Variants in AIMP2 observed in about 807,000 individuals in gnomAD.
The protein encoded by AIMP2 is aminoacyl tRNA synthetase complex interacting multifunctional protein 2.
Under a neutral mutation model 23.4 loss-of-function variants are expected in AIMP2, and 20 were observed. The observed-to-expected ratio is 0.85, with a 90% confidence interval of 0.60 to 1.24. AIMP2 has a LOEUF of 1.24. AIMP2 is among the 50% of genes most tolerant of loss of function. AIMP2 has a pLI of 0.00. For synonymous variants in AIMP2, 210 were observed against 170.4 expected (o/e 1.23, Z -1.81); for missense variants, 515 against 414.5 (o/e 1.24, Z -2.10).
chr7:6,019,221 G>A (rs886139394), intron 3 of AIMP2, among the ~76,000 whole-genome samples: 1 of 151,844 alleles, frequency 6.6e-6, no homozygotes, highest in East Asian at 1.9e-4. Context: ...GCATGTTGCA[G>A]TCAAAAGTGA....
chr7:6,009,907 C>T (rs1786446118), intron 1 of AIMP2, among the ~76,000 whole-genome samples: 1 of 134,934 alleles, frequency 7.4e-6, no homozygotes, highest in Admixed American at 7.8e-5. Context: ...TGAGATCGAG[C>T]CATTGCACTC....
At chr7:6,019,163 A>G (rs1386701004) in intron 3 of AIMP2, among the ~76,000 whole-genome samples, 2 of 151,256 alleles carry the variant, frequency 1.3e-5, no homozygotes, top group Non-Finnish European at 3.0e-5. Flanking sequence ...ACACCCTGTG[A>G]CGCTAATCAT....
intron 1 of AIMP2, 71 bp downstream of exon 1, chr7:6,009,569 C>A: frequency 1.1e-5 from 15 of 1,333,308 alleles, no homozygotes; most frequent in Non-Finnish European, 1.4e-5. Context: ...CCCCCCAGGC[C>A]GGAGCGAGCG....
Position 6,009,964 on chromosome 7 carries a change from A to AT in AIMP2, c.135+466_135+467insT, listed in dbSNP as rs1554310799. ...AACTCTATCTCAAAAAAAAAAAAAAAAAAAAAAAAAATATATATATATATA... is the reference window on the plus strand; with the variant it reads ...AACTCTATCTCAAAAAAAAAAAAAAATAAAAAAAAAAATATATATATATATA... On this transcript the variant is annotated intron_variant, in intron 1 of 3. Transcript: ENST00000223029. Among the ~76,000 whole-genome samples, 11 of 42,960 alleles carry AT rather than the reference A, an allele frequency of 2.6e-4. 1 individual carries two copies. The highest frequency in any genetic ancestry group is 1.4e-3 in the East Asian group (1 of 700). 28.2% of individuals were successfully genotyped at this position (42,960 alleles called of 152,430 possible).
In AIMP2 at chr7:6,020,242, G is replaced by A. The variant is rs375775023; in HGVS notation, c.574+2197G>A. On this transcript the variant is annotated intron_variant, in intron 3 of 3. Coordinates refer to ENST00000223029, the MANE Select transcript of AIMP2 (RefSeq NM_006303.4). ...TCAAGACCAGCCTGACCAATATGGC[G>A]AAACCCCATCTCTATTAAAGGCACA... Among the ~76,000 whole-genome samples, 3 of 152,030 alleles carry A rather than the reference G, an allele frequency of 2.0e-5. 1 individual carries two copies. The highest frequency in any genetic ancestry group is 7.2e-5 in the African/African-American group (3 of 41,478).
intron 3 of AIMP2, 94 bp from the exon 4 acceptor site, chr7:6,023,209 C>G (rs1787562200): frequency 7.2e-7 from 1 of 1,381,192 alleles, no homozygotes; most frequent in African/African-American, 1.4e-5. Context: ...TGTCATCAGT[C>G]TGTGGTGTTT....
intron 1 of AIMP2, among the ~76,000 whole-genome samples, chr7:6,012,474 G>C (rs1198337943): frequency 1.3e-5 from 2 of 152,060 alleles, no homozygotes; most frequent in Admixed American, 1.3e-4. Context: ...AGATCACGAA[G>C]GACTAGATCA....
chr7:6,014,298 C>CCCAGGCTG (rs1174484124), intron 1 of AIMP2, among the ~76,000 whole-genome samples: 1 of 140,510 alleles, frequency 7.1e-6, no homozygotes, highest in Non-Finnish European at 1.5e-5. Flanking sequence ...TGCTCTGTCG[C>CCCAGGCTG]CCAGGCTGGA....
chr7:6,016,186 A>G (rs1483473692), intron 2 of AIMP2, among the ~76,000 whole-genome samples: 1 of 152,190 alleles, frequency 6.6e-6, no homozygotes, highest in Non-Finnish European at 1.5e-5. Context: ...CTGTATTACA[A>G]GTAAGTTGCA....
chr7:6,011,659 T>A (rs1786698716), intron 1 of AIMP2, among the ~76,000 whole-genome samples: 1 of 152,306 alleles, frequency 6.6e-6, no homozygotes, highest in South Asian at 2.1e-4. Flanking sequence ...ACAACTGTTA[T>A]TTCAGTACAG....
chr7:6,015,627 G>C (rs1305868825), intron 2 of AIMP2, among the ~76,000 whole-genome samples: 1 of 152,222 alleles, frequency 6.6e-6, no homozygotes, highest in Non-Finnish European at 1.5e-5. Flanking sequence ...GGGAGGCTGA[G>C]GCAGGAGAAT....
In AIMP2 at chr7:6,023,674, C is replaced by G. The variant is rs751316385; in HGVS notation, c.946C>G (p.Leu316Val). 13 of 1,614,000 alleles carry G rather than the reference C, an allele frequency of 8.1e-6. No individual in the cohort carries two copies. The highest frequency in any genetic ancestry group is 1.1e-5 in the Non-Finnish European group (13 of 1,180,040). Reference sequence around the variant, plus strand: ...AAACCTGGCTCCTTTTAACACGGCCCTCAAGCTCCTTAAGTGAATTGCCGT... The same window carrying G: ...AAACCTGGCTCCTTTTAACACGGCCGTCAAGCTCCTTAAGTGAATTGCCGT... ...CENLAPFNTA[L>V]KLLK Residue 316 changes from leucine to valine, a missense_variant, in exon 4 of 4, where the codon CTC (leucine) becomes GTC (valine). Leu to Val is a conservative substitution (Grantham distance 32, BLOSUM62 1). Transcript: ENST00000223029.
At chr7:6,016,574 C>T (rs1787041845) in intron 2 of AIMP2, among the ~76,000 whole-genome samples, 1 of 152,162 alleles carries the variant, frequency 6.6e-6, no homozygotes, top group Admixed American at 6.5e-5. Context: ...AGTTTTCGAG[C>T]ATGCGCGGCT....
rs11544566 is a variant in AIMP2, at chr7:6,023,350, G to A, written c.622G>A (p.Glu208Lys). ...CAGCATCCAGACGATGTGCCCCATC[G>A]AAGGCGAAGGGAACATTGCACGTTT... ...KFSIQTMCPI[E>K]GEGNIARFLF... The change falls in exon 4 of 4, where the codon GAA (glutamate) becomes AAA (lysine). Residue 208 changes from glutamate to lysine, a missense_variant. Physicochemically the swap from Glu to Lys is moderately conservative, Grantham distance 56 (BLOSUM62 1). Transcript: ENST00000223029. 58 of 1,611,376 alleles carry A rather than the reference G, an allele frequency of 3.6e-5. No individual in the cohort carries two copies. Among genetic ancestry groups the A allele is most frequent in the South Asian group, 1.5e-4 (14 of 90,592 alleles).
chr7:6,023,611 G>C lies in AIMP2; in HGVS notation c.883G>C (p.Val295Leu). Residue 295 changes from valine (V) to leucine (L), a missense_variant, in exon 4 of 4, where the codon GTG becomes CTG. Coordinates refer to ENST00000223029, the MANE Select transcript of AIMP2 (RefSeq NM_006303.4). ...LQQIGGCSVTVPANVQRWMRS... is the reference protein window; with the variant it reads ...LQQIGGCSVTLPANVQRWMRS... ...GCAGATCGGAGGCTGCAGTGTGACA[G>C]TGCCAGCCAATGTGCAGAGGTGGAT... is the stretch of plus-strand genomic sequence containing the variant. 1 of 1,614,240 alleles carries C rather than the reference G, an allele frequency of 6.2e-7. No individual in the cohort carries two copies. The highest frequency in any genetic ancestry group is 8.5e-7 in the Non-Finnish European group (1 of 1,180,044).
At chr7:6,016,168 TCA>T (rs1164379468) in intron 2 of AIMP2, among the ~76,000 whole-genome samples, 3 of 152,206 alleles carry the variant, frequency 2.0e-5, no homozygotes, top group Non-Finnish European at 4.4e-5. Flanking sequence ...TTGCTTGAAC[TCA>T]GTTTGCTGTA....
chr7:6,015,655 C>T (rs1583453527), intron 2 of AIMP2, among the ~76,000 whole-genome samples: 1 of 152,336 alleles, frequency 6.6e-6, no homozygotes, highest in South Asian at 2.1e-4. Context: ...ACCCGGGCAG[C>T]AGAGCTTGTG....
At position 6,009,496 on chromosome 7, in the gene AIMP2, C is replaced by G; in HGVS notation, c.133C>G (p.Gln45Glu). ...CCCAGCGCCGGGCGCTGGCCACGTG[C>G]AGGTAGGAGCGCGGGGCCCCCCGCC... ...YGPAPGAGHV[Q>E]EESNLSLQAL... Residue 45 changes from glutamine to glutamate, a missense_variant and splice_region_variant, in exon 1 of 4, where the codon CAG (glutamine) becomes GAG (glutamate). Coordinates refer to ENST00000223029, the MANE Select transcript of AIMP2 (RefSeq NM_006303.4). The G allele has an allele frequency of 1.3e-6, 2 of 1,531,796 alleles. No homozygotes were observed. The highest frequency in any genetic ancestry group is 1.2e-5 in the South Asian group (1 of 81,248). The allele number at this position is 1,531,796 out of a possible 1,614,324, so 94.9% of individuals were successfully genotyped here.
intron 2 of AIMP2, among the ~76,000 whole-genome samples, chr7:6,015,871 T>G (rs1392821475): frequency 2.6e-5 from 4 of 152,234 alleles, no homozygotes; most frequent in African/African-American, 7.2e-5. Flanking sequence ...AGCCTCCTCT[T>G]GACTTCTCAG....
Sources: allele counts gnomAD v4.1 joint callset (sites outside exome capture counted in the v4.1 genomes callset), GRCh38; gene constraint gnomAD v4.1.1; transcripts MANE v1.5; gene names NCBI Gene and HGNC (gene_info 2026-07-23, HGNC 2026-07-21).